Variants in LRRC49 observed in about 807,000 individuals in gnomAD.
LRRC49 encodes the protein leucine rich repeat containing 49.
A neutral mutation model predicts 83.3 loss-of-function variants in LRRC49; 50 were observed. The ratio of observed to expected loss-of-function variants is 0.60; its 90% CI spans 0.48 to 0.76. LRRC49 has a LOEUF of 0.76. Ranked by LOEUF, LRRC49 falls within the 30% of genes least tolerant of loss-of-function variation. The pLI is 0.00. For synonymous variants in LRRC49, 286 were observed against 283.3 expected, an observed-to-expected ratio of 1.01 and a Z score of -0.10; for missense variants, 704 against 809.1, an observed-to-expected ratio of 0.87 and a Z score of 1.58.
intron 15 of LRRC49, among the ~76,000 whole-genome samples, chr15:71,044,406 C>T (rs765708507): frequency 2.6e-5 from 4 of 152,104 alleles, no homozygotes; most frequent in Non-Finnish European, 5.9e-5. Context: ...TTAAAATATG[C>T]CTCTGTTAAG....
chr15:70,973,536 C>T (rs1400953100), intron 9 of LRRC49, among the ~76,000 whole-genome samples: 1 of 152,180 alleles, frequency 6.6e-6, no homozygotes, highest in Non-Finnish European at 1.5e-5. Context: ...CTGCTCTCTT[C>T]AGAGCTGGCA....
chr15:70,991,312 A>G (rs751136911), intron 11 of LRRC49, among the ~76,000 whole-genome samples: 2 of 152,354 alleles, frequency 1.3e-5, no homozygotes, highest in Non-Finnish European at 2.9e-5. Context: ...ATATCTTTAT[A>G]GTGCATGTAT....
intron 6 of LRRC49, among the ~76,000 whole-genome samples, chr15:70,917,533 A>T (rs1219066171): frequency 6.6e-6 from 1 of 152,112 alleles, no homozygotes; most frequent in Non-Finnish European, 1.5e-5. Context: ...GAGAGGAGCA[A>T]CTCACTCTAG....
At chr15:70,960,051 TGCTA>T (rs1441586097) in intron 8 of LRRC49, among the ~76,000 whole-genome samples, 3 of 152,250 alleles carry the variant, frequency 2.0e-5, no homozygotes, top group African/African-American at 7.2e-5. Context: ...AAAGTCTAGT[TGCTA>T]AATTAGGATG....
intron 3 of LRRC49, chr15:70,898,281 G>A: frequency 3.2e-6 from 2 of 623,108 alleles, no homozygotes; most frequent in Non-Finnish European, 2.9e-6. Context: ...TTTAACAGAA[G>A]TAACACACGC....
At chr15:71,012,498 G>GA (rs35778571) in intron 13 of LRRC49, among the ~76,000 whole-genome samples, 3,723 of 144,566 alleles carry the variant, frequency 0.026, 59 homozygotes, top group Middle Eastern at 0.04. Context: ...TAGGATTTCT[G>GA]AAAAAAAAAA....
intron 9 of LRRC49, 100 bp downstream of exon 9, chr15:70,964,032 G>T: frequency 1.7e-6 from 2 of 1,167,234 alleles, no homozygotes; most frequent in Non-Finnish European, 2.4e-6. Flanking sequence ...TAATTTTAGT[G>T]AACTATGGGT....
At position 70,854,281 on chromosome 15, in the gene LRRC49, A is replaced by G. The variant is rs2032590583; in HGVS notation, c.-299+812A>G. On this transcript the variant is annotated intron_variant, in intron 1 of 16. Transcript: ENST00000544974. ...CGCCGCCGCCACCACCCCGACCGCT[A>G]GTGGAGCGCCCGCGCAGGCGGGGCC... 4 of 197,464 alleles carry G rather than the reference A, an allele frequency of 2.0e-5. No individual in the cohort carries two copies. The South Asian group carries it at 6.1e-4, about 30-fold the overall frequency. The allele number at this position is 197,464 out of a possible 1,614,324, so 12.2% of individuals were successfully genotyped here. A position where few individuals can be genotyped will look rare whatever the true frequency, so the allele number is the denominator to read the frequency against.
chr15:70,891,797 G>T, upstream of LRRC49: 1 of 1,462,290 alleles, frequency 6.8e-7, no homozygotes, highest in Non-Finnish European at 9.0e-7. Flanking sequence ...GAGGAGCCCA[G>T]CCAGAGTCCA....
At chr15:71,006,839 C>G (rs2038476082) in intron 11 of LRRC49, among the ~76,000 whole-genome samples, 1 of 152,052 alleles carries the variant, frequency 6.6e-6, no homozygotes, top group South Asian at 2.1e-4. Flanking sequence ...GTCCTTTGTT[C>G]TGTTCCAGTA....
In LRRC49 at chr15:70,900,564, G is replaced by C. The variant is rs116721556; in HGVS notation, c.194-358G>C. ...CAGAATCCAGCAGGGCTGTCATAGTGCTGGCCCAAATATATCTGGTAATGA... is the reference window on the plus strand; with the variant it reads ...CAGAATCCAGCAGGGCTGTCATAGTCCTGGCCCAAATATATCTGGTAATGA... On this transcript the variant is annotated intron_variant, in intron 3 of 15. Coordinates refer to ENST00000260382, the MANE Select transcript of LRRC49 (RefSeq NM_017691.5). The C allele has an allele frequency of 2.0e-3, 907 of 457,760 alleles. 12 individuals are homozygous for C. Among genetic ancestry groups the C allele is most frequent in the African/African-American group, 0.017 (850 of 50,240 alleles). 28.4% of individuals were successfully genotyped at this position (457,760 alleles called of 1,614,324 possible).
intron 15 of LRRC49, among the ~76,000 whole-genome samples, chr15:71,045,604 A>G (rs1341204859): frequency 6.6e-6 from 1 of 152,166 alleles, no homozygotes; most frequent in African/African-American, 2.4e-5. Flanking sequence ...GACAATTCAT[A>G]CATTCATATA....
chr15:70,923,825 CT>C (rs1204200899), intron 7 of LRRC49, among the ~76,000 whole-genome samples: 1 of 151,820 alleles, frequency 6.6e-6, no homozygotes, highest in African/African-American at 2.4e-5. Flanking sequence ...TTAATATATA[CT>C]TTTTTTCAAC....
chr15:70,904,587 A>G lies in LRRC49; in HGVS notation c.332A>G (p.Glu111Gly). Residue 111 changes from glutamate (E) to glycine (G), a missense_variant, in exon 5 of 16, where the codon GAA becomes GGA. Transcript: ENST00000260382. Reference sequence around the variant, plus strand: ...ACCGTATGTCCTATCATCAATGGGGAAGACCACCTTCGTTTGTTGAACTTT... The same window carrying G: ...ACCGTATGTCCTATCATCAATGGGGGAGACCACCTTCGTTTGTTGAACTTT... The part of the protein sequence containing the change: ...KLTVCPIING[E>G]DHLRLLNFQH... 1 of 1,613,762 alleles carries G rather than the reference A, an allele frequency of 6.2e-7. No individual in the cohort carries two copies. The highest frequency in any genetic ancestry group is 1.1e-5 in the South Asian group (1 of 91,062).
rs958837287 is a variant in LRRC49, at chr15:71,050,568, T to C, written c.*956T>C. On this transcript the variant is annotated 3_prime_UTR_variant, in exon 16 of 16. Coordinates refer to ENST00000260382, the MANE Select transcript of LRRC49 (RefSeq NM_017691.5). ...AACAATCTTAGTCAATAAATAGGAA[T>C]TTTTCGGTTTGCTTAGATTTTACCT... 3 of 152,116 alleles carry C rather than the reference T, an allele frequency of 2.0e-5. No individual in the cohort carries two copies. Among genetic ancestry groups the C allele is most frequent in the Non-Finnish European group, 4.4e-5 (3 of 68,038 alleles). 9.4% of individuals were successfully genotyped at this position (152,116 alleles called of 1,614,324 possible).
intron 10 of LRRC49, among the ~76,000 whole-genome samples, chr15:70,983,088 GTGTC>G (rs1462747535): frequency 3.3e-5 from 5 of 152,048 alleles, no homozygotes; most frequent in Non-Finnish European, 7.4e-5. Context: ...GAAAAGGAAA[GTGTC>G]TGTTTTCAGC....
intron 9 of LRRC49, among the ~76,000 whole-genome samples, chr15:70,964,849 G>A (rs2036737527): frequency 6.6e-6 from 1 of 152,060 alleles, no homozygotes; most frequent in African/African-American, 2.4e-5. Flanking sequence ...GATCACCTAG[G>A]TTTATGCAGT....
chr15:70,985,438 T>C (rs1294907394), intron 11 of LRRC49, among the ~76,000 whole-genome samples: 1 of 152,210 alleles, frequency 6.6e-6, no homozygotes, highest in Non-Finnish European at 1.5e-5. Context: ...TCTTCAGAAG[T>C]GTCTGTTCAT....
At chr15:70,981,792 T>C (rs963808636) in intron 10 of LRRC49, among the ~76,000 whole-genome samples, 2 of 152,154 alleles carry the variant, frequency 1.3e-5, no homozygotes, top group Non-Finnish European at 2.9e-5. Context: ...TAATTGTCGC[T>C]GATATCCCAA....
Sources: allele counts gnomAD v4.1 joint callset (sites outside exome capture counted in the v4.1 genomes callset), GRCh38; gene constraint gnomAD v4.1.1; transcripts MANE v1.5; gene names NCBI Gene and HGNC (gene_info 2026-07-23, HGNC 2026-07-21).